Variants in GPC5 observed in about 807,000 individuals in gnomAD.
The protein encoded by GPC5 is glypican-5.
In GPC5, 47 loss-of-function variants were observed where a neutral mutation model predicts 53.9. The observed-to-expected ratio is 0.87, with a 90% confidence interval of 0.69 to 1.11. The LOEUF (loss-of-function observed/expected upper bound fraction) is 1.11, where lower values mean the gene tolerates loss of function less well. Ranked by LOEUF, GPC5 falls within the 50% of genes most tolerant of loss-of-function variation. The probability of loss-of-function intolerance (pLI) is 0.00; values close to 1 mark genes in which losing one functional copy is unlikely to be tolerated. For missense variants in GPC5, 748 were observed against 713.1 expected (o/e 1.05, Z -0.56); for synonymous variants, 286 against 263.3 (o/e 1.09, Z -0.84).
intron 7 of GPC5, among the ~76,000 whole-genome samples, chr13:92,770,508 C>T (rs1461743984): frequency 6.6e-6 from 1 of 151,582 alleles, no homozygotes; most frequent in Non-Finnish European, 1.5e-5. Context: ...GACTGTATCA[C>T]TATGTCTTAT....
intron 2 of GPC5, among the ~76,000 whole-genome samples, chr13:91,488,910 G>C (rs890880438): frequency 1.3e-5 from 2 of 152,180 alleles, no homozygotes; most frequent in African/African-American, 4.8e-5. Context: ...ATGTGTCCCT[G>C]AGGGGAGGCC....
chr13:91,868,157 A>T (rs1178490157), intron 5 of GPC5, among the ~76,000 whole-genome samples: 1 of 152,208 alleles, frequency 6.6e-6, no homozygotes, highest in Non-Finnish European at 1.5e-5. Context: ...GAAGGAGTAA[A>T]CCAAATATAA....
chr13:91,506,125 G>GTAAATAAGTATTTACT (rs1414582101), intron 2 of GPC5, among the ~76,000 whole-genome samples: 1 of 152,092 alleles, frequency 6.6e-6, no homozygotes, highest in Non-Finnish European at 1.5e-5. Flanking sequence ...AGACAGGAGA[G>GTAAATAAGTATTTACT]TAAATAAGTA....
At chr13:92,011,885 A>C (rs2138775813) in intron 6 of GPC5, among the ~76,000 whole-genome samples, 1 of 152,338 alleles carries the variant, frequency 6.6e-6, no homozygotes, top group South Asian at 2.1e-4. Context: ...TGTAATGTTC[A>C]CAGGTCAGTG....
chr13:91,514,701 T>C (rs1454397828), intron 2 of GPC5, among the ~76,000 whole-genome samples: 1 of 152,300 alleles, frequency 6.6e-6, no homozygotes, highest in African/African-American at 2.4e-5. Context: ...TACAATATTA[T>C]ACTTATCTCC....
intron 2 of GPC5, among the ~76,000 whole-genome samples, chr13:91,536,948 A>G (rs1188260626): frequency 6.6e-6 from 1 of 152,226 alleles, no homozygotes; most frequent in East Asian, 1.9e-4. Flanking sequence ...ACTACTAAAT[A>G]ATGAACGAAT....
chr13:91,639,694 C>T (rs771699418), intron 2 of GPC5, among the ~76,000 whole-genome samples: 8 of 152,048 alleles, frequency 5.3e-5, no homozygotes, highest in South Asian at 2.1e-4. Context: ...AGTCCTGGGC[C>T]GAAAGGGATG....
chr13:92,212,370 A>ATTT (rs1320361124), intron 7 of GPC5, among the ~76,000 whole-genome samples: 1 of 152,074 alleles, frequency 6.6e-6, no homozygotes, highest in South Asian at 2.1e-4. Context: ...TTTACAGTAT[A>ATTT]TTTTTTCTAG....
chr13:91,691,627 A>C (rs2035759415), intron 2 of GPC5, among the ~76,000 whole-genome samples: 1 of 152,222 alleles, frequency 6.6e-6, no homozygotes, highest in African/African-American at 2.4e-5. Flanking sequence ...GATGCACCTT[A>C]ATATCTCACA....
chr13:91,679,688 T>A lies in GPC5; in HGVS notation c.326-13499T>A, dbSNP rs570456698. 2.2e-3 allele frequency among the ~76,000 whole-genome samples: 339 copies of A among 152,332 alleles called. 1 individual carries two copies. Among genetic ancestry groups the A allele is most frequent in the African/African-American group, 7.6e-3 (315 of 41,576 alleles). ...TACTTTTAATAGTAATCACTGTATG[T>A]TTTACCTCCACAAATTCACATTTTT... On this transcript the variant is annotated intron_variant, in intron 2 of 7. Coordinates refer to ENST00000377067, the MANE Select transcript of GPC5 (RefSeq NM_004466.6).
intron 7 of GPC5, among the ~76,000 whole-genome samples, chr13:92,151,779 T>C (rs973928006): frequency 6.6e-6 from 1 of 152,170 alleles, no homozygotes; most frequent in African/African-American, 2.4e-5. Flanking sequence ...CTGTGCACAA[T>C]CCCCTATATC....
intron 7 of GPC5, among the ~76,000 whole-genome samples, chr13:92,160,169 C>CA (rs2041976644): frequency 6.6e-6 from 1 of 152,178 alleles, no homozygotes; most frequent in African/African-American, 2.4e-5. Flanking sequence ...CTCAGCCTCC[C>CA]AAAGTGCTGG....
At chr13:92,660,741 T>A (rs945922504) in intron 7 of GPC5, among the ~76,000 whole-genome samples, 2 of 152,110 alleles carry the variant, frequency 1.3e-5, no homozygotes, top group Non-Finnish European at 2.9e-5. Flanking sequence ...GCCTAACAGA[T>A]CTCTTAGTCT....
chr13:91,883,149 T>C (rs2039285483), intron 5 of GPC5, among the ~76,000 whole-genome samples: 1 of 152,126 alleles, frequency 6.6e-6, no homozygotes, highest in Non-Finnish European at 1.5e-5. Context: ...TTCTGTCTTA[T>C]AAATTGGTGG....
At chr13:91,435,431 C>T (rs1879857952) in intron 1 of GPC5, among the ~76,000 whole-genome samples, 1 of 152,150 alleles carries the variant, frequency 6.6e-6, no homozygotes, top group African/African-American at 2.4e-5. Flanking sequence ...TTTTCTGCAT[C>T]TACTGAGATA....
At chr13:91,844,275 G>A (rs897515053) in intron 5 of GPC5, among the ~76,000 whole-genome samples, 1 of 152,204 alleles carries the variant, frequency 6.6e-6, no homozygotes, top group Admixed American at 6.5e-5. Context: ...ATTGAAAAGA[G>A]GTTGATGGAT....
chr13:92,609,139 G>A (rs993209682), intron 7 of GPC5, among the ~76,000 whole-genome samples: 29 of 152,152 alleles, frequency 1.9e-4, no homozygotes, highest in African/African-American at 5.5e-4. Flanking sequence ...CTAGCTTATC[G>A]TTTGTATTTG....
chr13:92,530,556 G>A (rs1881526279), intron 7 of GPC5, among the ~76,000 whole-genome samples: 2 of 152,094 alleles, frequency 1.3e-5, no homozygotes, highest in Admixed American at 1.3e-4. Flanking sequence ...ACTCCCTCCT[G>A]TGGCTTCAGA....
At chr13:91,545,060 G>A (rs2138777372) in intron 2 of GPC5, among the ~76,000 whole-genome samples, 1 of 152,234 alleles carries the variant, frequency 6.6e-6, no homozygotes, top group East Asian at 1.9e-4. Context: ...TGAGCAAGGA[G>A]GAAATATTTG....
Sources: allele counts gnomAD v4.1 joint callset (sites outside exome capture counted in the v4.1 genomes callset), GRCh38; gene constraint gnomAD v4.1.1; transcripts MANE v1.5; gene names NCBI Gene and HGNC (gene_info 2026-07-23, HGNC 2026-07-21).